KIF26A: variants seen among roughly 807,000 people sequenced by gnomAD.
KIF26A encodes kinesin-like protein KIF26A.
A neutral mutation model predicts 126.0 loss-of-function variants in KIF26A; 74 were observed. The ratio of observed to expected loss-of-function variants is 0.59; its 90% CI spans 0.49 to 0.71. The LOEUF (loss-of-function observed/expected upper bound fraction) is 0.71, where lower values mean the gene tolerates loss of function less well. Among genes scored for constraint, KIF26A ranks in the 30% least tolerant of loss-of-function variants. KIF26A has a pLI of 0.00. For missense variants in KIF26A, 2,984 were observed against 2,763.3 expected, an observed-to-expected ratio of 1.08 and a Z score of -1.79; for synonymous variants, 1,445 against 1,232.7, an observed-to-expected ratio of 1.17 and a Z score of -3.61.
chr14:104,179,581 T>C lies in KIF26A; in HGVS notation c.5468-28T>C, dbSNP rs772883078. 127 of 1,483,512 alleles carry C rather than the reference T, an allele frequency of 8.6e-5. No individual in the cohort carries two copies. The African/African-American group carries it at 1.0e-3, about 12-fold the overall frequency. The allele number at this position is 1,483,512 out of a possible 1,614,324, so 91.9% of individuals were successfully genotyped here. The stretch of plus-strand genomic sequence containing the variant: ...CCCCCAGCCTCGGGCCTGACGCAGG[T>C]GCCCCTCCCCTCTCCTCCCCTCCCC... On this transcript the variant is annotated intron_variant, in intron 14 of 14. Coordinates refer to ENST00000423312, the MANE Select transcript of KIF26A (RefSeq NM_015656.2).
intron 11 of KIF26A, 43 bp from the exon 12 acceptor site, chr14:104,174,939 G>C (rs1437456666): frequency 6.8e-7 from 1 of 1,480,822 alleles, no homozygotes; most frequent in South Asian, 1.3e-5. Flanking sequence ...GCGGGGGCGT[G>C]TAGGGGAGAC....
chr14:104,177,445 G>C lies in KIF26A; in HGVS notation c.4657G>C (p.Val1553Leu). 1.3e-6 allele frequency: 2 copies of C among 1,525,892 alleles called. No individual in the cohort carries two copies. Among genetic ancestry groups the C allele is most frequent in the South Asian group, 1.2e-5 (1 of 82,878 alleles). The allele number at this position is 1,525,892 out of a possible 1,614,324, so 94.5% of individuals were successfully genotyped here. The stretch of plus-strand genomic sequence containing the variant: ...CGGGGCGAAGGCTGGCCGGGGTACC[G>C]TCATGGGCACAAAGCAGGCGCTCCG... ...SVGAKAGRGT[V>L]MGTKQALRAA... The change falls in exon 12 of 15, where the codon GTC becomes CTC. Residue 1553 changes from valine to leucine, a missense_variant. Val to Leu is a conservative substitution (Grantham distance 32, BLOSUM62 1). Coordinates refer to ENST00000423312, the MANE Select transcript of KIF26A (RefSeq NM_015656.2).
At chr14:104,156,210 T>C (rs894035368) in intron 3 of KIF26A, among the ~76,000 whole-genome samples, 5 of 152,376 alleles carry the variant, frequency 3.3e-5, no homozygotes, top group Admixed American at 6.5e-5. Context: ...CTTTCCTGTC[T>C]GCTCAGCAAA....
rs181033258 is a variant in KIF26A, at chr14:104,175,857, A to G, written c.3069A>G (p.Pro1023=). 5.5e-4 allele frequency: 840 copies of G among 1,539,372 alleles called. No homozygotes were observed. Among genetic ancestry groups the G allele is most frequent in the Middle Eastern group, 8.5e-4 (5 of 5,898 alleles). The change falls in exon 12 of 15, where the codon CCA becomes CCG. Residue 1023 remains proline, a synonymous_variant. Transcript: ENST00000423312. ...CCACCACAGTGACCCTGCAGCGGCC[A>G]GTGGAGCTCAACGGCGAGGACGAGC... ...LLTTTVTLQR[P]VELNGEDELV...
In KIF26A at chr14:104,148,565, G is replaced by A. The variant is rs2037700294; in HGVS notation, c.289-3450G>A. On this transcript the variant is annotated intron_variant, in intron 2 of 14. Coordinates refer to ENST00000423312, the MANE Select transcript of KIF26A (RefSeq NM_015656.2). This position sits in a 1 kb window ranked among gnomAD's most constrained non-coding sequence, Gnocchi z 4.3. The stretch of plus-strand genomic sequence containing the variant: ...CCGGGATGGCTGGGAGAGGAGGCCT[G>A]GTCCCACTGCCCAGCCTGTGCAGAG... 6.6e-6 allele frequency among the ~76,000 whole-genome samples: 1 copy of A among 151,602 alleles called. No individual in the cohort carries two copies. The highest frequency in any genetic ancestry group is 1.5e-5 in the Non-Finnish European group (1 of 67,928).
intron 1 of KIF26A, 37 bp from the exon 2 acceptor site, chr14:104,139,006 C>T (rs1362221735): frequency 4.5e-6 from 6 of 1,328,230 alleles, no homozygotes; most frequent in Non-Finnish European, 5.7e-6. Flanking sequence ...ACGGACGTCC[C>T]AGGCTCACTG....
chr14:104,139,852 A>C (rs1368836834), intron 2 of KIF26A, among the ~76,000 whole-genome samples: 3 of 152,192 alleles, frequency 2.0e-5, no homozygotes, highest in Non-Finnish European at 4.4e-5. Context: ...GTGGCCGCCC[A>C]TGGGGAATTG....
intron 2 of KIF26A, among the ~76,000 whole-genome samples, chr14:104,144,995 G>A (rs776197924): frequency 9.9e-5 from 15 of 152,212 alleles, no homozygotes; most frequent in Non-Finnish European, 1.9e-4. Context: ...GCCTCTGGAA[G>A]TCCTGGCCCA....
intron 4 of KIF26A, among the ~76,000 whole-genome samples, chr14:104,166,205 T>C (rs1308527566): frequency 6.6e-6 from 1 of 151,410 alleles, no homozygotes; most frequent in Non-Finnish European, 1.5e-5. Flanking sequence ...GGGCAGTGGC[T>C]CCAGGATGGC....
intron 6 of KIF26A, among the ~76,000 whole-genome samples, 190 bp from the exon 7 acceptor site, chr14:104,172,385 T>C (rs2037968572): frequency 6.6e-6 from 1 of 152,258 alleles, no homozygotes; most frequent in Non-Finnish European, 1.5e-5. Context: ...CTCCTACGTG[T>C]GTCCTGGGTC....
At chr14:104,155,534 C>T (rs948217928) in intron 3 of KIF26A, among the ~76,000 whole-genome samples, 6 of 152,088 alleles carry the variant, frequency 3.9e-5, no homozygotes, top group Admixed American at 1.3e-4. Context: ...TCTGGCCGCC[C>T]GCCCCCCCTC....
Position 104,138,698 on chromosome 14 carries a change from G to A in KIF26A, c.-25G>A. ...AGAGCCAGCGTGGCCGGGAGCGCCT[G>A]CCGGGCTCTTCCCGCGCCCCGGCCA... On this transcript the variant is annotated 5_prime_UTR_variant, in exon 1 of 15. Coordinates refer to ENST00000423312, the MANE Select transcript of KIF26A (RefSeq NM_015656.2). 7.9e-7 allele frequency: 1 copy of A among 1,268,512 alleles called. No individual in the cohort carries two copies. The highest frequency in any genetic ancestry group is 9.9e-7 in the Non-Finnish European group (1 of 1,006,614). The allele number at this position is 1,268,512 out of a possible 1,614,324, so 78.6% of individuals were successfully genotyped here. A position where few individuals can be genotyped will look rare whatever the true frequency, so the allele number is the denominator to read the frequency against.
chr14:104,150,357 G>A (rs974957199), intron 2 of KIF26A, among the ~76,000 whole-genome samples: 1 of 151,940 alleles, frequency 6.6e-6, no homozygotes, highest in African/African-American at 2.4e-5. Flanking sequence ...CCCTGGGTTG[G>A]AGGAAATCCA....
At chr14:104,168,398 T>C (rs999273035) in intron 5 of KIF26A, among the ~76,000 whole-genome samples, 4 of 152,216 alleles carry the variant, frequency 2.6e-5, no homozygotes, top group African/African-American at 9.6e-5. Context: ...CTGGCCTGAA[T>C]TGACGGTGGC....
rs777084913 is a variant in KIF26A at position 104,157,912 on chromosome 14, G to A, written c.893G>A (p.Gly298Asp). 1.3e-6 allele frequency: 2 copies of A among 1,534,060 alleles called. No individual in the cohort carries two copies. The highest frequency in any genetic ancestry group is 4.0e-5 in the Admixed American group (2 of 49,736). Residue 298 changes from glycine to aspartate, a missense_variant, in exon 4 of 15, where the codon GGC becomes GAC. Gly to Asp is a moderately conservative substitution (Grantham distance 94). Transcript: ENST00000423312. ...PTPGSVGGSTGPSAAASFFIR... is the reference protein window; with the variant it reads ...PTPGSVGGSTDPSAAASFFIR... ...CCGGGCTCGGTGGGGGGCTCCACAG[G>A]CCCCTCAGCTGCAGCCTCCTTCTTC...
Position 104,175,421 on chromosome 14 carries a change from C to T in KIF26A, c.2633C>T (p.Pro878Leu). The stretch of plus-strand genomic sequence containing the variant: ...AGCCCCGCCCGAGGGGGCCGGAAGC[C>T]CTCGCCACCAGAGGCTGCATCCCCC... ...QASPARGGRK[P>L]SPPEAASPRK... Residue 878 changes from proline (P) to leucine (L), a missense_variant, in exon 12 of 15, where the codon CCC becomes CTC. By Grantham distance (98) the Pro-to-Leu change is moderately conservative. Coordinates refer to ENST00000423312, the MANE Select transcript of KIF26A (RefSeq NM_015656.2). The T allele has an allele frequency of 6.3e-7, 1 of 1,593,556 alleles. No homozygotes were observed. Among genetic ancestry groups the T allele is most frequent in the East Asian group, 2.2e-5 (1 of 44,446 alleles).
chr14:104,147,637 G>C (rs1337496390), intron 2 of KIF26A, among the ~76,000 whole-genome samples: 1 of 152,232 alleles, frequency 6.6e-6, no homozygotes, highest in Non-Finnish European at 1.5e-5. Flanking sequence ...GGCTGCACCA[G>C]ACGTGGAAAT....
rs560686794 is a variant in KIF26A at position 104,159,822 on chromosome 14, C to T, written c.923+1880C>T. Among the ~76,000 whole-genome samples, 30 of 152,030 alleles carry T rather than the reference C, an allele frequency of 2.0e-4. No individual in the cohort carries two copies. The East Asian group carries it at 4.7e-3, about 24-fold the overall frequency. ...GTGGATGCCTGACGTGGGCTGGGGT[C>T]GGTGGTGGGTGACCTCCTCTGTGGG... On this transcript the variant is annotated intron_variant, in intron 4 of 14. Transcript: ENST00000423312.
intron 4 of KIF26A, among the ~76,000 whole-genome samples, chr14:104,160,712 C>T (rs1483994304): frequency 1.3e-5 from 2 of 152,200 alleles, no homozygotes; most frequent in Non-Finnish European, 2.9e-5. Flanking sequence ...GTCTGAGGCC[C>T]CGCTGGTTTG....
Sources: allele counts gnomAD v4.1 joint callset (sites outside exome capture counted in the v4.1 genomes callset), GRCh38; gene constraint gnomAD v4.1.1; non-coding constraint Gnocchi (gnomAD v3.1); transcripts MANE v1.5; gene names NCBI Gene and HGNC (gene_info 2026-07-23, HGNC 2026-07-21).